The following EPHA5 variants were observed in gnomAD, a reference collection of about 807,000 sequenced individuals.
EPHA5 encodes ephrin type-A receptor 5.
EPHA5 carries 60 observed loss-of-function variants against 105.0 expected under a neutral mutation model. The ratio of observed to expected loss-of-function variants is 0.57; its 90% CI spans 0.46 to 0.71. The LOEUF is 0.71. Ranked by LOEUF, EPHA5 falls within the 30% of genes least tolerant of loss-of-function variation. The pLI is 0.00. For missense variants in EPHA5, 1,218 were observed against 1,274.7 expected (o/e 0.96, Z 0.68); for synonymous variants, 513 against 449.1 (o/e 1.14, Z -1.80).
At position 65,424,281 on chromosome 4, in the gene EPHA5, C is replaced by T. The variant is rs6850776; in HGVS notation, c.1403-3716G>A. Among the ~76,000 whole-genome samples the T allele has an allele frequency of 9.7e-3, 1,472 of 152,136 alleles. 10 individuals are homozygous for T. Among genetic ancestry groups the T allele is most frequent in the Middle Eastern group, 0.021 (6 of 292 alleles). On this transcript the variant is annotated intron_variant, in intron 5 of 16. Coordinates refer to ENST00000613740, the MANE Select transcript of EPHA5 (RefSeq NM_001281766.3). The stretch of plus-strand genomic sequence containing the variant: ...TGTATAAAACAATATATCTTCCTTA[C>T]TTTTCAGATATAGAAACCTAGTTTA...
rs181954676 is a variant in EPHA5 at position 65,581,730 on chromosome 4, C to T, written c.910+19911G>A. On this transcript the variant is annotated intron_variant, in intron 3 of 16. Coordinates refer to ENST00000613740, the MANE Select transcript of EPHA5 (RefSeq NM_001281766.3). ...TTTACTTCCTTAAATAAAATATAGG[C>T]TTGAACTAGTTAACTTATTGGCATG... Among the ~76,000 whole-genome samples, 3 of 151,830 alleles carry T rather than the reference C, an allele frequency of 2.0e-5. No individual in the cohort carries two copies. The East Asian group carries it at 5.8e-4, about 29-fold the overall frequency.
At chr4:65,476,119 A>AGTGTGTGTGTGTGT (rs772117051) in intron 5 of EPHA5, among the ~76,000 whole-genome samples, 148 of 126,832 alleles carry the variant, frequency 1.2e-3, no homozygotes, top group African/African-American at 4.5e-3. Context: ...AGAGAGAGAG[A>AGTGTGTGTGTGTGT]GAGAGAGAGT....
chr4:65,324,083 A>T lies in EPHA5; in HGVS notation c.*31T>A, dbSNP rs1174693328. On this transcript the variant is annotated 3_prime_UTR_variant, in exon 17 of 17. Coordinates refer to ENST00000613740, the MANE Select transcript of EPHA5 (RefSeq NM_001281766.3). ...AGTGCTGTTTACAAAGTGCAGAATCATTCACTTGAAGAAGCGACATTTACA... is the reference window on the plus strand; with the variant it reads ...AGTGCTGTTTACAAAGTGCAGAATCTTTCACTTGAAGAAGCGACATTTACA... 1 of 1,426,154 alleles carries T rather than the reference A, an allele frequency of 7.0e-7. No homozygotes were observed. Among genetic ancestry groups the T allele is most frequent in the Admixed American group, 1.7e-5 (1 of 58,982 alleles). The allele number at this position is 1,426,154 out of a possible 1,614,324, so 88.3% of individuals were successfully genotyped here.
chr4:65,399,684 A>G (rs1721618924), intron 8 of EPHA5, among the ~76,000 whole-genome samples: 1 of 152,256 alleles, frequency 6.6e-6, no homozygotes. Context: ...GTGGAAAAGT[A>G]CATGTGTGCA....
At chr4:65,437,987 G>A (rs1388816373) in intron 5 of EPHA5, among the ~76,000 whole-genome samples, 4 of 151,772 alleles carry the variant, frequency 2.6e-5, no homozygotes, top group Non-Finnish European at 4.4e-5. Flanking sequence ...AAATATTTCA[G>A]AAATTAAATC....
In EPHA5 at chr4:65,434,463, T is replaced by G. The variant is rs1284871906; in HGVS notation, c.1403-13898A>C. 2.6e-5 allele frequency among the ~76,000 whole-genome samples: 4 copies of G among 152,262 alleles called. No homozygotes were observed. In the East Asian group the frequency reaches 5.8e-4, roughly 22 times the overall value. On this transcript the variant is annotated intron_variant, in intron 5 of 16. Coordinates refer to ENST00000613740, the MANE Select transcript of EPHA5 (RefSeq NM_001281766.3). ...TCTAATATCTTTATTATGGATTTGTTAAATGCATCTATAAAATTATATTTT... is the reference window on the plus strand; with the variant it reads ...TCTAATATCTTTATTATGGATTTGTGAAATGCATCTATAAAATTATATTTT...
At chr4:65,632,535 CA>C (rs35050180) in intron 2 of EPHA5, among the ~76,000 whole-genome samples, 1,482 of 125,806 alleles carry the variant, frequency 0.012, 7 homozygotes, top group Non-Finnish European at 0.016. Flanking sequence ...CAATTTTCAG[CA>C]AAAAAAAAAA....
chr4:65,525,584 A>G (rs1735154700), intron 3 of EPHA5, among the ~76,000 whole-genome samples: 1 of 151,850 alleles, frequency 6.6e-6, no homozygotes, highest in African/African-American at 2.4e-5. Context: ...TATTTACTAG[A>G]CTCAAAAGAG....
At chr4:65,640,508 G>A (rs1175549131) in intron 2 of EPHA5, among the ~76,000 whole-genome samples, 1 of 151,838 alleles carries the variant, frequency 6.6e-6, no homozygotes, top group East Asian at 2.0e-4. Context: ...GGATGGTCTC[G>A]ATCTCCTGAC....
At chr4:65,407,278 C>G (rs1035237307) in intron 7 of EPHA5, among the ~76,000 whole-genome samples, 2 of 152,130 alleles carry the variant, frequency 1.3e-5, no homozygotes, top group Admixed American at 1.3e-4. Context: ...CTCACAGATA[C>G]AGTTTTGGAG....
chr4:65,536,117 A>G (rs1189254714), intron 3 of EPHA5, among the ~76,000 whole-genome samples: 1 of 151,964 alleles, frequency 6.6e-6, no homozygotes, highest in Non-Finnish European at 1.5e-5. Context: ...TAGTGTATAA[A>G]TTATTGTTTG....
rs929500863 is a variant in EPHA5 at position 65,321,098 on chromosome 4, G to C, written c.*3016C>G. 1 of 230,536 alleles carries C rather than the reference G, an allele frequency of 4.3e-6. No homozygotes were observed. The highest frequency in any genetic ancestry group is 2.2e-5 in the African/African-American group (1 of 45,132). The allele number at this position is 230,536 out of a possible 1,614,324, so 14.3% of individuals were successfully genotyped here. A position where few individuals can be genotyped will look rare whatever the true frequency, so the allele number is the denominator to read the frequency against. On this transcript the variant is annotated 3_prime_UTR_variant, in exon 17 of 17. Transcript: ENST00000613740. ...ATTATGATAGGTCAAAGTAGTAATT[G>C]AGTGACTTCAAGTATCAGTCTGTTG... is the stretch of plus-strand genomic sequence containing the variant.
chr4:65,481,857 A>C (rs2149189712), intron 5 of EPHA5, among the ~76,000 whole-genome samples: 1 of 152,336 alleles, frequency 6.6e-6, no homozygotes, highest in Non-Finnish European at 1.5e-5. Flanking sequence ...TAGGTGCTAA[A>C]TACTTCTTCA....
intron 13 of EPHA5, among the ~76,000 whole-genome samples, chr4:65,348,685 T>TA (rs1722470129): frequency 1.1e-5 from 1 of 93,956 alleles, no homozygotes; most frequent in Non-Finnish European, 2.3e-5. Context: ...TATATATATA[T>TA]ATATATATAT....
Position 65,643,346 on chromosome 4 carries a change from A to T in EPHA5, c.246+17T>A. The T allele has an allele frequency of 6.2e-7, 1 of 1,601,782 alleles. No homozygotes were observed. The stretch of plus-strand genomic sequence containing the variant: ...CGCACATAGCTTAAGTTTTAGAAAA[A>T]CTTTCATAAAACTTACCCCATTTTT... On this transcript the variant is annotated intron_variant, in intron 2 of 16. Transcript: ENST00000613740.
Position 65,598,302 on chromosome 4 carries a change from G to A in EPHA5, c.910+3339C>T, listed in dbSNP as rs536359817. ...AGTCTTAGAACTAAGAAATGATTAA[G>A]TTAAAAGACATATCCATCAATTTTC... On this transcript the variant is annotated intron_variant, in intron 3 of 16. Transcript: ENST00000613740. 1.6e-4 allele frequency among the ~76,000 whole-genome samples: 24 copies of A among 152,066 alleles called. 1 individual carries two copies. The highest frequency in any genetic ancestry group is 3.2e-4 in the Non-Finnish European group (22 of 67,996).
At chr4:65,465,303 G>A (rs1033639830) in intron 5 of EPHA5, among the ~76,000 whole-genome samples, 8 of 151,630 alleles carry the variant, frequency 5.3e-5, no homozygotes, top group African/African-American at 9.7e-5. Flanking sequence ...GGGCGTGGTC[G>A]TGGGCACCTG....
chr4:65,609,457 A>C (rs1744556480), intron 2 of EPHA5, among the ~76,000 whole-genome samples: 1 of 152,172 alleles, frequency 6.6e-6, no homozygotes, highest in Admixed American at 6.5e-5. Flanking sequence ...TAGTACAAAT[A>C]TTTATGAGCT....
intron 8 of EPHA5, among the ~76,000 whole-genome samples, chr4:65,396,779 A>G (rs1330812185): frequency 6.6e-6 from 1 of 152,152 alleles, no homozygotes; most frequent in Non-Finnish European, 1.5e-5. Context: ...GGGACAACTG[A>G]TCCTGAAGGA....
Sources: allele counts gnomAD v4.1 joint callset (sites outside exome capture counted in the v4.1 genomes callset), GRCh38; gene constraint gnomAD v4.1.1; transcripts MANE v1.5; gene names NCBI Gene and HGNC (gene_info 2026-07-23, HGNC 2026-07-21).